ADHFE1: variants seen among roughly 807,000 people sequenced by gnomAD.
The protein encoded by ADHFE1 is hydroxyacid-oxoacid transhydrogenase, mitochondrial.
In ADHFE1, 37 loss-of-function variants were observed where a neutral mutation model predicts 54.8. The observed-to-expected ratio is 0.68, with a 90% CI of 0.52 to 0.89. The LOEUF (loss-of-function observed/expected upper bound fraction) is 0.89. Ranked by LOEUF, ADHFE1 falls within the 40% of genes least tolerant of loss-of-function variation. The probability of loss-of-function intolerance (pLI) is 0.00; values close to 1 mark genes in which losing one functional copy is unlikely to be tolerated. For synonymous variants in ADHFE1, 203 were observed against 229.3 expected (o/e 0.89, Z 1.04); for missense variants, 601 against 591.2 (o/e 1.02, Z -0.17).
intron 1 of ADHFE1, 141 bp downstream of exon 1, chr8:66,432,716 C>T (rs1805264674): frequency 8.9e-6 from 11 of 1,232,928 alleles, no homozygotes; most frequent in Non-Finnish European, 1.1e-5. Flanking sequence ...TGGGCTCCCA[C>T]CGCGCGCCAG....
At chr8:66,434,048 AGAG>A (rs1227223348) in intron 1 of ADHFE1, among the ~76,000 whole-genome samples, 1 of 152,250 alleles carries the variant, frequency 6.6e-6, no homozygotes, top group Non-Finnish European at 1.5e-5. Context: ...AGGAAGGACT[AGAG>A]GTCATTGTCC....
chr8:66,453,656 G>T (rs1806420372), intron 9 of ADHFE1: 3 of 1,352,968 alleles, frequency 2.2e-6, no homozygotes, highest in African/African-American at 3.0e-5. Context: ...GAGAGAAAGA[G>T]CGCTGGCCGG....
intron 8 of ADHFE1, 36 bp downstream of exon 8, chr8:66,449,006 TAC>T (rs757826832): frequency 1.3e-6 from 2 of 1,551,918 alleles, no homozygotes; most frequent in Admixed American, 3.4e-5. Context: ...GCTTTTTTAG[TAC>T]TGGGTCTATG....
intron 6 of ADHFE1, among the ~76,000 whole-genome samples, chr8:66,446,455 C>T (rs1012458897): frequency 6.6e-6 from 1 of 152,206 alleles, no homozygotes; most frequent in Non-Finnish European, 1.5e-5. Flanking sequence ...AGCTCTGGCC[C>T]CCAAGGAGCC....
intron 8 of ADHFE1, among the ~76,000 whole-genome samples, chr8:66,450,556 T>TAGGGAGAGAAGG (rs1408639029): frequency 3.3e-5 from 5 of 152,230 alleles, no homozygotes; most frequent in South Asian, 4.1e-4. Flanking sequence ...GGCTTGACTG[T>TAGGGAGAGAAGG]AGGGAGAGAA....
At chr8:66,464,860 G>C (rs1411039983) in intron 13 of ADHFE1, among the ~76,000 whole-genome samples, 1 of 152,022 alleles carries the variant, frequency 6.6e-6, no homozygotes, top group Non-Finnish European at 1.5e-5. Context: ...TGTTAAACAC[G>C]AATTCCCCGT....
At chr8:66,436,674 A>G (rs1339012494) in intron 1 of ADHFE1, among the ~76,000 whole-genome samples, 1 of 152,186 alleles carries the variant, frequency 6.6e-6, no homozygotes, top group African/African-American at 2.4e-5. Context: ...CCCAAGCCAG[A>G]AAGATAAATG....
Position 66,443,264 on chromosome 8 carries a change from ATTTTTTTTTTTTTT to A in ADHFE1, c.144+439_144+452del, listed in dbSNP as rs540464621. On this transcript the variant is annotated intron_variant, in intron 3 of 13. Coordinates refer to ENST00000396623, the MANE Select transcript of ADHFE1 (RefSeq NM_144650.3). ...GTCCCTGTCTCCTCCTAGTCCAGGA[ATTTTTTTTTTTTTT>A]TTTTTTTTTTTTTTTTTTGGAGACA... Among the ~76,000 whole-genome samples, 216 of 86,106 alleles carry A rather than the reference ATTTTTTTTTTTTTT, an allele frequency of 2.5e-3. 2 individuals carry two copies. The highest frequency in any genetic ancestry group is 0.015 in the Middle Eastern group (2 of 136). The allele number at this position is 86,106 out of a possible 152,430, so 56.5% of individuals were successfully genotyped here. A position where few individuals can be genotyped will look rare whatever the true frequency, so the allele number is the denominator to read the frequency against.
At chr8:66,451,278 C>T (rs1427301836) in intron 8 of ADHFE1, among the ~76,000 whole-genome samples, 1 of 152,102 alleles carries the variant, frequency 6.6e-6, no homozygotes, top group East Asian at 1.9e-4. Flanking sequence ...TTTCTTCAGG[C>T]CAAGAATTAA....
intron 1 of ADHFE1, among the ~76,000 whole-genome samples, chr8:66,436,370 G>A (rs1805468161): frequency 6.6e-6 from 1 of 152,174 alleles, no homozygotes; most frequent in Non-Finnish European, 1.5e-5. Context: ...TGGATGCAGA[G>A]AGCAAACCCT....
At chr8:66,452,511 G>A (rs1806354095) in intron 9 of ADHFE1, among the ~76,000 whole-genome samples, 2 of 152,190 alleles carry the variant, frequency 1.3e-5, no homozygotes, top group African/African-American at 4.8e-5. Flanking sequence ...AATGTGGGCT[G>A]GGCACAATGG....
At chr8:66,452,230 G>A (rs1806337973) in intron 9 of ADHFE1, 125 bp downstream of exon 9, 1 of 1,318,380 alleles carries the variant, frequency 7.6e-7, no homozygotes, top group South Asian at 1.5e-5. Flanking sequence ...GTCAGTGGAT[G>A]CGCAGAAGCC....
chr8:66,444,210 C>T (rs1462643658), intron 3 of ADHFE1, among the ~76,000 whole-genome samples, 157 bp from the exon 4 acceptor site: 1 of 152,180 alleles, frequency 6.6e-6, no homozygotes, highest in Non-Finnish European at 1.5e-5. Flanking sequence ...TGCGTCCACA[C>T]TTCTTTAAGT....
intron 1 of ADHFE1, among the ~76,000 whole-genome samples, chr8:66,438,365 G>A (rs972092396): frequency 1.3e-5 from 2 of 152,152 alleles, no homozygotes; most frequent in Non-Finnish European, 2.9e-5. Context: ...ATGGCTGAAG[G>A]CAGCCCAGGA....
rs574379782 is a variant in ADHFE1 at position 66,468,341 on chromosome 8, A to T, written c.1393A>T (p.Lys465Ter). The T allele has an allele frequency of 6.2e-7, 1 of 1,612,896 alleles. No homozygotes were observed. The highest frequency in any genetic ancestry group is 1.1e-5 in the South Asian group (1 of 90,968). Residue 465 changes from lysine to a stop codon, truncating the protein, a stop_gained, in exon 14 of 14, where the codon AAA becomes TAA. Transcript: ENST00000396623. LOFTEE classifies it high-confidence loss of function. ...GGCTGCTCTGTTTGAAGCTTCAATG[A>T]AACTGTATTAATTGTCATTTTAACT... The part of the protein sequence containing the change: ...DLAALFEASM[K>*]LY
intron 7 of ADHFE1, among the ~76,000 whole-genome samples, chr8:66,448,076 T>C (rs1190489346): frequency 6.6e-6 from 1 of 152,214 alleles, no homozygotes; most frequent in East Asian, 1.9e-4. Context: ...CCAGTCCTTT[T>C]CCCAGGTAAC....
intron 2 of ADHFE1, 24 bp from the exon 3 acceptor site, chr8:66,442,774 T>A: frequency 6.3e-7 from 1 of 1,593,990 alleles, no homozygotes; most frequent in Non-Finnish European, 8.5e-7. Flanking sequence ...AGACCCACTT[T>A]GATGCTAACT....
At chr8:66,451,891 T>C in intron 8 of ADHFE1, 62 bp from the exon 9 acceptor site, 4 of 1,578,906 alleles carry the variant, frequency 2.5e-6, no homozygotes, top group Non-Finnish European at 3.4e-6. Flanking sequence ...GGTTGTGATC[T>C]AAATGGAGGG....
chr8:66,447,293 A>C lies in ADHFE1; in HGVS notation c.580A>C (p.Thr194Pro). The change falls in exon 7 of 14, where the codon ACT becomes CCT. Residue 194 changes from threonine to proline, a missense_variant. Thr to Pro is a conservative substitution (Grantham distance 38). Transcript: ENST00000396623. ...VPTTSGTGSE[T>P]TGVAIFDYEH... The stretch of plus-strand genomic sequence containing the variant: ...AACTACCTCAGGAACCGGGAGTGAA[A>C]CTACTGGGGTTGCCATTTTTGACTA... 2 of 1,613,508 alleles carry C rather than the reference A, an allele frequency of 1.2e-6. No homozygotes were observed. Among genetic ancestry groups the C allele is most frequent in the Non-Finnish European group, 8.5e-7 (1 of 1,179,678 alleles).
Sources: gnomAD v4.1 joint callset for allele counts (sites outside exome capture counted in the v4.1 genomes callset) on GRCh38, gnomAD v4.1.1 for gene constraint, MANE v1.5 for transcripts, NCBI Gene and HGNC (gene_info 2026-07-23, HGNC 2026-07-21) for gene names.